HHAT: variants seen among roughly 807,000 people sequenced by gnomAD.
HHAT encodes protein-cysteine N-palmitoyltransferase HHAT.
Under a neutral mutation model 70.8 loss-of-function variants are expected in HHAT, and 47 were observed. The observed-to-expected ratio is 0.66, with a 90% CI of 0.53 to 0.85. The LOEUF (loss-of-function observed/expected upper bound fraction) is 0.85. Ranked by LOEUF, HHAT falls within the 40% of genes least tolerant of loss-of-function variation. The probability of loss-of-function intolerance (pLI) is 0.00; values close to 1 mark genes in which losing one functional copy is unlikely to be tolerated. For synonymous variants in HHAT, 228 were observed against 247.6 expected, an observed-to-expected ratio of 0.92 and a Z score of 0.74; for missense variants, 609 against 604.8, an observed-to-expected ratio of 1.01 and a Z score of -0.07.
At chr1:210,667,274 C>T (rs952159533) in intron 11 of HHAT, among the ~76,000 whole-genome samples, 3 of 151,818 alleles carry the variant, frequency 2.0e-5, no homozygotes, top group Non-Finnish European at 4.4e-5. Flanking sequence ...TGCAGCTACT[C>T]GGGAGGCTGA....
At chr1:210,370,853 A>G (rs1257001927) in intron 3 of HHAT, among the ~76,000 whole-genome samples, 53 of 152,072 alleles carry the variant, frequency 3.5e-4, no homozygotes, top group Non-Finnish European at 2.8e-4. Flanking sequence ...TGACCTCGTG[A>G]TCCACCAGCC....
intron 4 of HHAT, among the ~76,000 whole-genome samples, chr1:210,395,797 T>C (rs1013657483): frequency 9.2e-5 from 14 of 152,182 alleles, no homozygotes; most frequent in African/African-American, 3.4e-4. Flanking sequence ...TTTTTCTTAG[T>C]CATGATCTCA....
intron 11 of HHAT, among the ~76,000 whole-genome samples, chr1:210,665,258 C>T (rs1678652329): frequency 6.6e-6 from 1 of 152,180 alleles, no homozygotes; most frequent in African/African-American, 2.4e-5. Flanking sequence ...TTTGTTCCAA[C>T]CTAATATATC....
At chr1:210,397,493 A>G (rs914358964) in intron 4 of HHAT, among the ~76,000 whole-genome samples, 8 of 152,186 alleles carry the variant, frequency 5.3e-5, no homozygotes, top group African/African-American at 1.9e-4. Context: ...ACTTGGGGAA[A>G]AAAATCTGAA....
intron 9 of HHAT, among the ~76,000 whole-genome samples, chr1:210,555,821 G>A (rs2095567023): frequency 6.6e-6 from 1 of 152,304 alleles, no homozygotes; most frequent in East Asian, 1.9e-4. Context: ...GTATGCATGT[G>A]TTGGACTCCA....
intron 8 of HHAT, among the ~76,000 whole-genome samples, chr1:210,496,010 C>CA (rs10639399): frequency 0.088 from 5,968 of 67,760 alleles, 340 homozygotes; most frequent in South Asian, 0.11. Flanking sequence ...AACTCTATCT[C>CA]AAAAAAAAAA....
intron 9 of HHAT, among the ~76,000 whole-genome samples, chr1:210,521,115 A>G (rs1398351066): frequency 1.3e-5 from 2 of 152,234 alleles, no homozygotes; most frequent in African/African-American, 2.4e-5. Context: ...TAGATTTTGC[A>G]TATTAGAATG....
intron 7 of HHAT, among the ~76,000 whole-genome samples, chr1:210,449,090 G>C (rs10863833): frequency 0.34 from 51,695 of 151,932 alleles, 9,186 homozygotes; most frequent in East Asian, 0.43. Flanking sequence ...GATGCAGCGT[G>C]TGTTAGAGGA....
chr1:210,590,180 A>G (rs6682919), intron 10 of HHAT: 146,506 of 152,296 alleles, frequency 0.96, 70,715 homozygotes, highest in East Asian at 1. Context: ...CAGACATAGA[A>G]TCTTCCTCCA....
At chr1:210,554,806 AAG>A (rs2095558045) in intron 9 of HHAT, among the ~76,000 whole-genome samples, 1 of 152,090 alleles carries the variant, frequency 6.6e-6, no homozygotes, top group Non-Finnish European at 1.5e-5. Flanking sequence ...GAGGCACTGA[AAG>A]AGAGGGTGCC....
intron 10 of HHAT, among the ~76,000 whole-genome samples, chr1:210,621,441 A>G (rs972188055): frequency 6.6e-6 from 1 of 152,194 alleles, no homozygotes; most frequent in Non-Finnish European, 1.5e-5. Context: ...GTCAATTAAG[A>G]CAATTCATAT....
chr1:210,653,130 TATACATAC>T (rs113600697), intron 11 of HHAT, among the ~76,000 whole-genome samples: 8 of 151,052 alleles, frequency 5.3e-5, no homozygotes, highest in African/African-American at 1.7e-4. Flanking sequence ...AAAACAGCTT[TATACATAC>T]ATACATACAT....
intron 7 of HHAT, among the ~76,000 whole-genome samples, chr1:210,424,995 A>C (rs891304510): frequency 6.6e-6 from 1 of 151,984 alleles, no homozygotes; most frequent in Non-Finnish European, 1.5e-5. Context: ...TTTCTCCACA[A>C]CCTGGCCAGC....
intron 2 of HHAT, among the ~76,000 whole-genome samples, chr1:210,356,577 G>A (rs1171564043): frequency 1.3e-5 from 2 of 152,218 alleles, no homozygotes; most frequent in East Asian, 3.9e-4. Context: ...CTAGTATAAC[G>A]GAACACATTC....
chr1:210,423,270 CTGGGG>C (rs2092959308), intron 7 of HHAT, among the ~76,000 whole-genome samples: 1 of 152,138 alleles, frequency 6.6e-6, no homozygotes. Context: ...CATCCTAACT[CTGGGG>C]TGAGATGATA....
At chr1:210,524,649 G>C (rs1030033628) in intron 9 of HHAT, among the ~76,000 whole-genome samples, 1 of 152,148 alleles carries the variant, frequency 6.6e-6, no homozygotes, top group Non-Finnish European at 1.5e-5. Flanking sequence ...AAGTAGGGGA[G>C]TGACAGGATC....
At chr1:210,407,674 T>TTTTAGGCATTTAGAA (rs2148226828) in intron 6 of HHAT, among the ~76,000 whole-genome samples, 1 of 152,176 alleles carries the variant, frequency 6.6e-6, no homozygotes, top group Admixed American at 6.5e-5. Context: ...GCATTTAGAG[T>TTTTAGGCATTTAGAA]TTTAGGAACA....
intron 10 of HHAT, among the ~76,000 whole-genome samples, chr1:210,593,050 C>T (rs533821665): frequency 6.6e-6 from 1 of 152,242 alleles, no homozygotes; most frequent in East Asian, 1.9e-4. Flanking sequence ...CCACGACAGA[C>T]ATGGGTGTGT....
At chr1:210,593,099 A>G (rs1161414530) in intron 10 of HHAT, among the ~76,000 whole-genome samples, 3 of 152,074 alleles carry the variant, frequency 2.0e-5, no homozygotes, top group Non-Finnish European at 4.4e-5. Flanking sequence ...CTCATTGTTC[A>G]ATTCCCACCT....
Sources: gnomAD v4.1 joint callset for allele counts (sites outside exome capture counted in the v4.1 genomes callset) on GRCh38, gnomAD v4.1.1 for gene constraint, MANE v1.5 for transcripts, NCBI Gene and HGNC (gene_info 2026-07-23, HGNC 2026-07-21) for gene names.